The following RBFOX1 variants were observed in gnomAD, a reference collection of about 807,000 sequenced individuals.
The protein encoded by RBFOX1 is RNA binding fox-1 homolog 1, also known as RNA binding protein fox-1 homolog 1.
In RBFOX1, 8 loss-of-function variants were observed where a neutral mutation model predicts 57.7. The observed-to-expected ratio is 0.14, with a 90% CI of 0.08 to 0.25. The LOEUF is 0.25. Ranked by LOEUF, RBFOX1 falls within the 10% of genes least tolerant of loss-of-function variation. The probability of loss-of-function intolerance (pLI) is 1.00; values close to 1 mark genes in which losing one functional copy is unlikely to be tolerated. For missense variants in RBFOX1, 611 were observed against 548.5 expected, an observed-to-expected ratio of 1.11 and a Z score of -1.14; for synonymous variants, 326 against 222.4, an observed-to-expected ratio of 1.47 and a Z score of -4.15.
At chr16:5,672,353 T>C (rs2050038203) in intron 3 of RBFOX1, among the ~76,000 whole-genome samples, 1 of 152,198 alleles carries the variant, frequency 6.6e-6, no homozygotes, top group South Asian at 2.1e-4. Flanking sequence ...ACTTCATGCC[T>C]GGTGCTGTCT....
chr16:6,888,775 C>G (rs765392452), intron 3 of RBFOX1, among the ~76,000 whole-genome samples: 1 of 152,070 alleles, frequency 6.6e-6, no homozygotes, highest in Non-Finnish European at 1.5e-5. Context: ...AAAGATTAAC[C>G]GAAGAATTTT....
At chr16:7,275,082 G>C (rs1038944476) in intron 4 of RBFOX1, among the ~76,000 whole-genome samples, 12 of 152,132 alleles carry the variant, frequency 7.9e-5, no homozygotes, top group East Asian at 3.9e-4. Flanking sequence ...GAGCGGGCAG[G>C]GTTCTGGATC....
At chr16:6,255,168 C>A (rs2097652743) in intron 1 of RBFOX1, among the ~76,000 whole-genome samples, 2 of 152,104 alleles carry the variant, frequency 1.3e-5, no homozygotes, top group Non-Finnish European at 2.9e-5. Flanking sequence ...AACCTGGAAA[C>A]ATTTCCATAT....
chr16:6,946,656 G>A (rs1382812174), intron 3 of RBFOX1, among the ~76,000 whole-genome samples: 2 of 145,176 alleles, frequency 1.4e-5, no homozygotes, highest in African/African-American at 2.5e-5. Flanking sequence ...AGGCTGGAGT[G>A]CGGTAGTGAG....
intron 1 of RBFOX1, among the ~76,000 whole-genome samples, chr16:5,309,305 ATTATTTT>A (rs1307961764): frequency 1.3e-5 from 2 of 152,036 alleles, no homozygotes; most frequent in Admixed American, 1.3e-4. Context: ...TTCTCTCTGT[ATTATTTT>A]TCACTTAGAG....
intron 3 of RBFOX1, among the ~76,000 whole-genome samples, chr16:6,663,465 C>T (rs924003063): frequency 6.6e-6 from 1 of 152,166 alleles, no homozygotes; most frequent in Non-Finnish European, 1.5e-5. Flanking sequence ...TGGACTAGAT[C>T]TGTGCACTTC....
intron 2 of RBFOX1, among the ~76,000 whole-genome samples, chr16:6,358,824 C>G (rs2087865722): frequency 1.3e-5 from 2 of 152,104 alleles, no homozygotes; most frequent in Non-Finnish European, 2.9e-5. Context: ...TTTAAAATAT[C>G]TTTTATCTCT....
chr16:5,688,824 G>C (rs2050581984), intron 3 of RBFOX1, among the ~76,000 whole-genome samples: 1 of 152,180 alleles, frequency 6.6e-6, no homozygotes, highest in Non-Finnish European at 1.5e-5. Context: ...AGGTCTTTAA[G>C]AAAACTAGAA....
chr16:6,234,235 C>G (rs945740221), intron 1 of RBFOX1, among the ~76,000 whole-genome samples: 1 of 152,170 alleles, frequency 6.6e-6, no homozygotes, highest in African/African-American at 2.4e-5. Flanking sequence ...TTTATTTATT[C>G]TCAAAATTCC....
intron 4 of RBFOX1, among the ~76,000 whole-genome samples, chr16:7,092,498 G>C (rs115990782): frequency 1.4e-3 from 211 of 152,268 alleles, no homozygotes; most frequent in African/African-American, 4.7e-3. Context: ...ATACTGTATA[G>C]ACAGTGTTCC....
At chr16:6,697,059 A>ATTAT (rs2061158921) in intron 3 of RBFOX1, among the ~76,000 whole-genome samples, 1 of 152,222 alleles carries the variant, frequency 6.6e-6, no homozygotes, top group Non-Finnish European at 1.5e-5. Flanking sequence ...CCAATGCAAA[A>ATTAT]TTATTTATTC....
rs866693632 is a variant in RBFOX1 at position 7,276,564 on chromosome 16, A to T, written c.27+224466A>T. ...TTCTATCCTTGACTGATTTTTTTTT[A>T]AATTTTTCTGCCTCCTAGGGGATCA... On this transcript the variant is annotated intron_variant, in intron 4 of 15. Coordinates refer to ENST00000550418, the MANE Select transcript of RBFOX1 (RefSeq NM_018723.4). 2.1e-4 allele frequency among the ~76,000 whole-genome samples: 32 copies of T among 151,692 alleles called. No homozygotes were observed. The South Asian group carries it at 3.7e-3, about 18-fold the overall frequency.
rs536572846 is a variant in RBFOX1 at position 6,073,788 on chromosome 16, T to C, written c.-127+53796T>C. On this transcript the variant is annotated intron_variant, in intron 1 of 15. Coordinates refer to ENST00000550418, the MANE Select transcript of RBFOX1 (RefSeq NM_018723.4). ...TTTTGAAGCAGAACCATAAAAGGTATATATTTTTTTTATTTGATAGGGCTC... is the reference window on the plus strand; with the variant it reads ...TTTTGAAGCAGAACCATAAAAGGTACATATTTTTTTTATTTGATAGGGCTC... 5.4e-5 allele frequency among the ~76,000 whole-genome samples: 8 copies of C among 147,232 alleles called. No individual in the cohort carries two copies. The East Asian group carries it at 1.7e-3, about 31-fold the overall frequency.
At chr16:6,198,080 C>T (rs2097192161) in intron 1 of RBFOX1, among the ~76,000 whole-genome samples, 1 of 152,118 alleles carries the variant, frequency 6.6e-6, no homozygotes, top group African/African-American at 2.4e-5. Context: ...GATAATTTAA[C>T]TTGTCTACAT....
At chr16:7,026,022 C>G (rs1036548335) in intron 3 of RBFOX1, among the ~76,000 whole-genome samples, 13 of 152,144 alleles carry the variant, frequency 8.5e-5, no homozygotes, top group Non-Finnish European at 1.9e-4. Flanking sequence ...AGACCCCAGA[C>G]CAAGAAGGAA....
intron 2 of RBFOX1, among the ~76,000 whole-genome samples, chr16:6,626,695 G>T (rs931482898): frequency 6.6e-6 from 1 of 152,032 alleles, no homozygotes; most frequent in Non-Finnish European, 1.5e-5. Context: ...GGGAGACAGA[G>T]GTTGCAGTGA....
At chr16:6,886,994 T>C (rs2064203552) in intron 3 of RBFOX1, among the ~76,000 whole-genome samples, 1 of 152,204 alleles carries the variant, frequency 6.6e-6, no homozygotes, top group African/African-American at 2.4e-5. Flanking sequence ...TTGTTCATGA[T>C]AATTTTTTCC....
chr16:5,700,603 G>T (rs992539974), intron 3 of RBFOX1, among the ~76,000 whole-genome samples: 1 of 152,128 alleles, frequency 6.6e-6, no homozygotes. Flanking sequence ...GTTGGAACTC[G>T]CAGAGAAACA....
At chr16:6,971,191 C>A (rs1337010850) in intron 3 of RBFOX1, among the ~76,000 whole-genome samples, 1 of 152,064 alleles carries the variant, frequency 6.6e-6, no homozygotes, top group African/African-American at 2.4e-5. Flanking sequence ...ATCCGCTATA[C>A]AGAGATTTTA....
Sources: allele counts gnomAD v4.1 joint callset (sites outside exome capture counted in the v4.1 genomes callset), GRCh38; gene constraint gnomAD v4.1.1; transcripts MANE v1.5; gene names NCBI Gene and HGNC (gene_info 2026-07-23, HGNC 2026-07-21).